The following ARHGAP21 variants were observed in gnomAD, a reference collection of about 807,000 sequenced individuals.
ARHGAP21 encodes the protein Rho GTPase activating protein 21, also known as rho GTPase-activating protein 21.
ARHGAP21 carries 38 observed loss-of-function variants against 164.6 expected under a neutral mutation model. That is an observed-to-expected ratio of 0.23 (90% CI 0.18 to 0.30). ARHGAP21 has a LOEUF of 0.30. Ranked by LOEUF, ARHGAP21 falls within the 10% of genes least tolerant of loss-of-function variation. ARHGAP21 has a pLI of 1.00. For missense variants in ARHGAP21, 1,822 were observed against 2,370.7 expected (o/e 0.77, Z 4.81); for synonymous variants, 766 against 857.9 (o/e 0.89, Z 1.87).
At chr10:24,701,048 G>A (rs139120819) in intron 2 of ARHGAP21, among the ~76,000 whole-genome samples, 5 of 152,234 alleles carry the variant, frequency 3.3e-5, no homozygotes, top group African/African-American at 9.6e-5. Flanking sequence ...TAAAGCCTCC[G>A]TCTACTGGTG....
chr10:24,690,656 C>T (rs1190852149), intron 2 of ARHGAP21, among the ~76,000 whole-genome samples: 1 of 151,908 alleles, frequency 6.6e-6, no homozygotes, highest in African/African-American at 2.4e-5. Context: ...TGGTGAAACC[C>T]TGTCTCTACT....
chr10:24,613,889 T>C (rs1279693520), intron 9 of ARHGAP21, among the ~76,000 whole-genome samples: 1 of 152,170 alleles, frequency 6.6e-6, no homozygotes, highest in South Asian at 2.1e-4. Flanking sequence ...CAGGTTACAA[T>C]TACTTGGCTG....
chr10:24,685,042 A>G (rs1479493876), intron 2 of ARHGAP21, among the ~76,000 whole-genome samples: 2 of 152,216 alleles, frequency 1.3e-5, no homozygotes, highest in Admixed American at 1.3e-4. Context: ...GAAACACAGA[A>G]GGATAAATCA....
At chr10:24,601,660 G>A (rs1489247892) in intron 13 of ARHGAP21, among the ~76,000 whole-genome samples, 2 of 152,048 alleles carry the variant, frequency 1.3e-5, no homozygotes, top group Admixed American at 6.6e-5. Flanking sequence ...AAAGGACAAC[G>A]GAATAACCCA....
Position 24,585,433 on chromosome 10 carries a change from G to T in ARHGAP21, c.4856C>A (p.Ala1619Glu), listed in dbSNP as rs766578541. The change falls in exon 26 of 26, where the codon GCA becomes GAA. Residue 1619 changes from alanine to glutamate, a missense_variant. This residue lies in a region of ARHGAP21 where 333 missense variants were observed against 383.9 expected (regional missense o/e 0.87). Coordinates refer to ENST00000396432, the MANE Select transcript of ARHGAP21 (RefSeq NM_020824.4). ...GATGAGTTCGCTTCTCTCGTCATCT[G>T]CCTCGTCCCCCTTGCTCTCTGCCAC... is the stretch of plus-strand genomic sequence containing the variant. The part of the protein sequence containing the change: ...QSVAESKGDE[A>E]DDERSELISE... The T allele has an allele frequency of 1.2e-6, 2 of 1,613,886 alleles. No individual in the cohort carries two copies. The highest frequency in any genetic ancestry group is 1.7e-6 in the Non-Finnish European group (2 of 1,180,044).
intron 2 of ARHGAP21, among the ~76,000 whole-genome samples, chr10:24,701,774 T>C (rs888193735): frequency 6.6e-6 from 1 of 152,180 alleles, no homozygotes; most frequent in African/African-American, 2.4e-5. Context: ...TAGAATACCA[T>C]GTTCATGTTC....
At position 24,585,589 on chromosome 10, in the gene ARHGAP21, G is replaced by T. The variant is rs757866638; in HGVS notation, c.4700C>A (p.Thr1567Asn). 1 of 1,614,196 alleles carries T rather than the reference G, an allele frequency of 6.2e-7. No individual in the cohort carries two copies. Among genetic ancestry groups the T allele is most frequent in the African/African-American group, 1.3e-5 (1 of 75,042 alleles). The change falls in exon 26 of 26, where the codon ACC (threonine) becomes AAC (asparagine). Residue 1567 changes from threonine to asparagine, a missense_variant. Coordinates refer to ENST00000396432, the MANE Select transcript of ARHGAP21 (RefSeq NM_020824.4). Reference sequence around the variant, plus strand: ...CTCGCTATGTTTCGTTTCTGGACTGGTTGATTTCTTCATGGAAAACCTTGC... The same window carrying T: ...CTCGCTATGTTTCGTTTCTGGACTGTTTGATTTCTTCATGGAAAACCTTGC... The part of the protein sequence containing the change: ...SLARFSMKKS[T>N]SPETKHSEFL...
At chr10:24,627,534 T>C (rs1357126773) in intron 7 of ARHGAP21, among the ~76,000 whole-genome samples, 5 of 152,222 alleles carry the variant, frequency 3.3e-5, no homozygotes, top group Non-Finnish European at 7.3e-5. Context: ...TTAAAGTAAT[T>C]CAAATACCAT....
At chr10:24,670,483 C>G in intron 2 of ARHGAP21, 86 bp from the exon 3 acceptor site, 1 of 867,456 alleles carries the variant, frequency 1.2e-6, no homozygotes, top group Non-Finnish European at 1.6e-6. Flanking sequence ...ATGTTAATAC[C>G]TGAGCGCCGA....
chr10:24,622,433 C>CATATATATATAT lies in ARHGAP21; in HGVS notation c.525+288_525+299dup, dbSNP rs10530408. On this transcript the variant is annotated intron_variant, in intron 8 of 25. Coordinates refer to ENST00000396432, the MANE Select transcript of ARHGAP21 (RefSeq NM_020824.4). ...GGAAGAGGGTGAGATACTTAAAAAA[C>CATATATATATAT]ATATATATATATATATATATATATA... 2.9e-4 allele frequency among the ~76,000 whole-genome samples: 26 copies of CATATATATATAT among 89,764 alleles called. 1 individual carries two copies. The highest frequency in any genetic ancestry group is 3.9e-4 in the Admixed American group (3 of 7,772). 58.9% of individuals were successfully genotyped at this position (89,764 alleles called of 152,430 possible). A position where few individuals can be genotyped will look rare whatever the true frequency, so the allele number is the denominator to read the frequency against.
Position 24,585,817 on chromosome 10 carries a change from A to C in ARHGAP21, c.4472T>G (p.Ile1491Arg). 6.2e-7 allele frequency: 1 copy of C among 1,613,812 alleles called. No homozygotes were observed. The highest frequency in any genetic ancestry group is 8.5e-7 in the Non-Finnish European group (1 of 1,179,862). Residue 1491 changes from isoleucine to arginine, a missense_variant, in exon 26 of 26, where the codon ATA becomes AGA. Around this residue, in one of 5 missense-constraint regions of ARHGAP21, gnomAD observed 333 missense variants for 383.9 expected, o/e 0.87. Coordinates refer to ENST00000396432, the MANE Select transcript of ARHGAP21 (RefSeq NM_020824.4). ...AGGCGTGCTCTCTTTTCCTAGTGATATCTTTTCATCTTTTGTCGTGCTGGG... is the reference window on the plus strand; with the variant it reads ...AGGCGTGCTCTCTTTTCCTAGTGATCTCTTTTCATCTTTTGTCGTGCTGGG... Reference protein sequence around the residue: ...KDPSTTKDEKISLGKESTPSE... With the variant: ...KDPSTTKDEKRSLGKESTPSE...
intron 2 of ARHGAP21, among the ~76,000 whole-genome samples, chr10:24,716,557 T>C (rs1025376942): frequency 2.0e-5 from 3 of 151,926 alleles, no homozygotes; most frequent in African/African-American, 4.8e-5. Context: ...GCACAGGAGG[T>C]GCGCTCAGGG....
intron 2 of ARHGAP21, among the ~76,000 whole-genome samples, chr10:24,690,453 A>AT (rs1842662006): frequency 6.6e-6 from 1 of 152,118 alleles, no homozygotes; most frequent in Admixed American, 6.5e-5. Context: ...TAATGTTTTA[A>AT]TTTTTTTATT....
chr10:24,663,878 C>G (rs1391199777), intron 4 of ARHGAP21, among the ~76,000 whole-genome samples: 1 of 152,156 alleles, frequency 6.6e-6, no homozygotes, highest in Non-Finnish European at 1.5e-5. Flanking sequence ...GTTTCAACAG[C>G]ACCTCTGGCC....
intron 24 of ARHGAP21, chr10:24,590,145 G>C: frequency 3.0e-6 from 4 of 1,345,586 alleles, no homozygotes; most frequent in Non-Finnish European, 2.9e-6. Flanking sequence ...TGAGCCCCAT[G>C]CCACGCCCCT....
intron 4 of ARHGAP21, among the ~76,000 whole-genome samples, chr10:24,654,325 G>A (rs1565103697): frequency 1.3e-5 from 2 of 152,110 alleles, no homozygotes; most frequent in Admixed American, 1.3e-4. Flanking sequence ...TAGGAAAAGA[G>A]GAGGTCAAAT....
intron 2 of ARHGAP21, among the ~76,000 whole-genome samples, chr10:24,686,507 A>T (rs1159724056): frequency 6.6e-6 from 1 of 152,202 alleles, no homozygotes; most frequent in Non-Finnish European, 1.5e-5. Flanking sequence ...AACAAAAAAG[A>T]ATAGTAAGTA....
chr10:24,646,675 C>G (rs186801308), intron 4 of ARHGAP21, among the ~76,000 whole-genome samples: 25 of 152,100 alleles, frequency 1.6e-4, no homozygotes, highest in Non-Finnish European at 1.3e-4. Context: ...TTTGGGAGGC[C>G]AAGGTGGGAG....
At chr10:24,700,278 A>C (rs1843540374) in intron 2 of ARHGAP21, among the ~76,000 whole-genome samples, 1 of 152,116 alleles carries the variant, frequency 6.6e-6, no homozygotes, top group Non-Finnish European at 1.5e-5. Flanking sequence ...TCCCTGTGCC[A>C]TTTCCAGCTG....
Sources: gnomAD v4.1 joint callset for allele counts (sites outside exome capture counted in the v4.1 genomes callset) on GRCh38, gnomAD v4.1.1 for gene constraint, gnomAD v4.1.1 regional missense constraint, MANE v1.5 for transcripts, NCBI Gene and HGNC (gene_info 2026-07-23, HGNC 2026-07-21) for gene names.